Variants in ZEB2 observed in about 807,000 individuals in gnomAD.
ZEB2 encodes the protein zinc finger E-box-binding homeobox 2.
ZEB2 carries 6 observed loss-of-function variants against 99.9 expected under a neutral mutation model. The observed-to-expected ratio is 0.06, with a 90% CI of 0.03 to 0.12. The LOEUF (loss-of-function observed/expected upper bound fraction) is 0.12. Among genes scored for constraint, ZEB2 ranks in the 10% least tolerant of loss-of-function variants. The probability of loss-of-function intolerance (pLI) is 1.00; values close to 1 mark genes in which losing one functional copy is unlikely to be tolerated. For missense variants in ZEB2, 969 were observed against 1,502.8 expected (o/e 0.64, Z 5.87); for synonymous variants, 517 against 542.5 (o/e 0.95, Z 0.65).
In ZEB2 at chr2:144,513,621, G is replaced by C. The variant is rs574042983; in HGVS notation, c.73+3657C>G. On this transcript the variant is annotated intron_variant, in intron 2 of 9. Transcript: ENST00000627532. ...TGATGCTGGAAGGTGGCGGGATGGG[G>C]AGGCAGACCCTCTTCCCGGGCTCCG... The C allele has an allele frequency of 3.3e-6, 5 of 1,532,056 alleles. No individual in the cohort carries two copies. The East Asian group carries it at 1.2e-4, about 37-fold the overall frequency. 94.9% of individuals were successfully genotyped at this position (1,532,056 alleles called of 1,614,324 possible).
chr2:144,404,908 T>C lies in ZEB2; in HGVS notation c.520A>G (p.Ile174Val), dbSNP rs140810090. The change falls in exon 5 of 10, where the codon ATT becomes GTT. Residue 174 changes from isoleucine (I) to valine (V), a missense_variant. This residue lies in a region of ZEB2 where 65 missense variants were observed against 147.7 expected (regional missense o/e 0.44). Transcript: ENST00000627532. Reference sequence around the variant, plus strand: ...TCCTCAGGGGCTTCTGGGTAAATAATGGCTGTGTCACTGCGCTGAAGGTAC... The same window carrying C: ...TCCTCAGGGGCTTCTGGGTAAATAACGGCTGTGTCACTGCGCTGAAGGTAC... ...EEYLQRSDTA[I>V]IYPEAPEELS... 16 of 1,614,134 alleles carry C rather than the reference T, an allele frequency of 9.9e-6. No individual in the cohort carries two copies. The highest frequency in any genetic ancestry group is 1.3e-5 in the Non-Finnish European group (15 of 1,180,042).
rs1703133155 is a variant in ZEB2, at chr2:144,389,822, C to T, written c.3274G>A (p.Glu1092Lys). The change falls in exon 10 of 10, where the codon GAG becomes AAG. Residue 1092 changes from glutamate (E) to lysine (K), a missense_variant. Around this residue, in one of 8 missense-constraint regions of ZEB2, gnomAD observed 121 missense variants for 166.4 expected, o/e 0.73. Transcript: ENST00000627532. This position sits in a 1 kb window ranked among gnomAD's most constrained non-coding sequence, Gnocchi z 6.8. ...KREAEEREAAEREAREKGHLE... is the reference protein window; with the variant it reads ...KREAEEREAAKREAREKGHLE... ...TGCCCTTTCTCGCGCGCCTCGCGCT[C>T]CGCCGCTTCCCGCTCCTCCGCCTCC... The T allele has an allele frequency of 1.2e-6, 2 of 1,613,174 alleles. No individual in the cohort carries two copies. Among genetic ancestry groups the T allele is most frequent in the African/African-American group, 1.3e-5 (1 of 74,992 alleles).
intron 2 of ZEB2, among the ~76,000 whole-genome samples, chr2:144,486,141 C>T (rs1232663251): frequency 3.9e-5 from 6 of 152,110 alleles, no homozygotes; most frequent in Admixed American, 6.6e-5. Context: ...GTGTGAGGTG[C>T]CTTACCTGAG....
At chr2:144,441,461 G>A (rs1049511470) in intron 2 of ZEB2, among the ~76,000 whole-genome samples, 8 of 151,410 alleles carry the variant, frequency 5.3e-5, no homozygotes, top group African/African-American at 1.9e-4. Context: ...TGAAAAGAGA[G>A]GCCAAATCAT....
intron 4 of ZEB2, among the ~76,000 whole-genome samples, chr2:144,415,877 T>C (rs1703533247): frequency 6.6e-6 from 1 of 152,232 alleles, no homozygotes; most frequent in Admixed American, 6.5e-5. Flanking sequence ...ATTTTCACCG[T>C]CATGTTTTAG....
chr2:144,414,783 A>C (rs564513341), intron 4 of ZEB2, among the ~76,000 whole-genome samples: 57 of 152,224 alleles, frequency 3.7e-4, no homozygotes, highest in Non-Finnish European at 7.4e-4. Context: ...AAAAGAGAGA[A>C]CCTCATCTTT....
At chr2:144,465,487 A>G (rs974899495) in intron 2 of ZEB2, among the ~76,000 whole-genome samples, 4 of 152,146 alleles carry the variant, frequency 2.6e-5, no homozygotes, top group Non-Finnish European at 5.9e-5. Flanking sequence ...TTTGCCAAAT[A>G]GGGCAATAAA....
At chr2:144,472,974 A>T (rs1461581397) in intron 2 of ZEB2, among the ~76,000 whole-genome samples, 1 of 152,164 alleles carries the variant, frequency 6.6e-6, no homozygotes, top group Non-Finnish European at 1.5e-5. Context: ...ATGGACCAAA[A>T]ACATAGACAA....
intron 2 of ZEB2, among the ~76,000 whole-genome samples, chr2:144,491,359 A>G (rs1222738472): frequency 3.1e-5 from 4 of 130,786 alleles, no homozygotes; most frequent in Non-Finnish European, 3.5e-5. Context: ...TCTCAAGAGA[A>G]AAAAAAAAAA....
intron 2 of ZEB2, among the ~76,000 whole-genome samples, chr2:144,451,968 C>T (rs1387183442): frequency 6.6e-6 from 1 of 152,104 alleles, no homozygotes; most frequent in African/African-American, 2.4e-5. Context: ...CAAATAACAT[C>T]TTCCTATGTG....
chr2:144,512,857 A>G (rs913907901), intron 2 of ZEB2: 4 of 1,287,250 alleles, frequency 3.1e-6, no homozygotes, highest in African/African-American at 1.5e-5. Flanking sequence ...ATGGAGATGG[A>G]TATCTTTGGA....
chr2:144,497,206 C>T (rs1704774557), intron 2 of ZEB2, among the ~76,000 whole-genome samples: 2 of 152,156 alleles, frequency 1.3e-5, no homozygotes, highest in South Asian at 4.1e-4. Flanking sequence ...ACCACCTTCT[C>T]CCAGATCTAG....
At position 144,389,262 on chromosome 2, in the gene ZEB2, T is replaced by C; in HGVS notation, c.*189A>G. The C allele has an allele frequency of 1.5e-6, 1 of 666,650 alleles. No homozygotes were observed. The highest frequency in any genetic ancestry group is 2.7e-5 in the Admixed American group (1 of 36,542). 41.3% of individuals were successfully genotyped at this position (666,650 alleles called of 1,614,324 possible). On this transcript the variant is annotated 3_prime_UTR_variant, in exon 10 of 10. Transcript: ENST00000627532. The surrounding 1 kb of genome is among the most constrained non-coding windows in gnomAD (Gnocchi z 6.8). ...AACACTGTACAAAATTTTTGCATAA[T>C]GCAGTTTTTAACAATACCCAGCTCC...
intron 2 of ZEB2, among the ~76,000 whole-genome samples, chr2:144,471,266 A>C (rs1017933224): frequency 2.0e-5 from 3 of 152,152 alleles, no homozygotes; most frequent in South Asian, 2.1e-4. Flanking sequence ...CAATAAGTAA[A>C]AGAAGTGCTG....
chr2:144,444,395 A>T (rs1313974778), intron 2 of ZEB2, among the ~76,000 whole-genome samples: 2 of 152,228 alleles, frequency 1.3e-5, no homozygotes, highest in East Asian at 3.8e-4. Flanking sequence ...GCCTGAACAC[A>T]ATGAAAAAAA....
At chr2:144,467,375 C>T (rs762272558) in intron 2 of ZEB2, among the ~76,000 whole-genome samples, 2 of 152,086 alleles carry the variant, frequency 1.3e-5, no homozygotes, top group Non-Finnish European at 2.9e-5. Flanking sequence ...AAAACATAGA[C>T]CAAATAGGTG....
intron 6 of ZEB2, among the ~76,000 whole-genome samples, 198 bp downstream of exon 6, chr2:144,403,718 C>A (rs199549142): frequency 6.6e-6 from 1 of 152,014 alleles, no homozygotes. Flanking sequence ...CACACTCATT[C>A]GATCGTGAAC....
intron 6 of ZEB2, among the ~76,000 whole-genome samples, chr2:144,402,943 T>A (rs1340297291): frequency 1.3e-5 from 2 of 152,234 alleles, no homozygotes; most frequent in African/African-American, 2.4e-5. Context: ...ATTTTCCTTA[T>A]TCGAAGAAAA....
At chr2:144,440,065 G>T (rs1251878300) in intron 2 of ZEB2, among the ~76,000 whole-genome samples, 8 of 152,048 alleles carry the variant, frequency 5.3e-5, no homozygotes, top group Non-Finnish European at 1.2e-4. Flanking sequence ...ATAAAAGGGT[G>T]GACTCTTTTG....
Sources: gnomAD v4.1 joint callset for allele counts (sites outside exome capture counted in the v4.1 genomes callset) on GRCh38, gnomAD v4.1.1 for gene constraint, gnomAD v4.1.1 regional missense constraint, Gnocchi (gnomAD v3.1) non-coding constraint, MANE v1.5 for transcripts, NCBI Gene and HGNC (gene_info 2026-07-23, HGNC 2026-07-21) for gene names.